The following CLTC variants were observed in gnomAD, a reference collection of about 807,000 sequenced individuals.
CLTC encodes clathrin heavy chain 1.
CLTC carries 16 observed loss-of-function variants against 195.8 expected under a neutral mutation model. That is an observed-to-expected ratio of 0.08 (90% CI 0.06 to 0.12). The LOEUF is 0.12. Ranked by LOEUF, CLTC falls within the 10% of genes least tolerant of loss-of-function variation. CLTC has a pLI of 1.00. For missense variants in CLTC, 796 were observed against 2,027.0 expected (o/e 0.39, Z 11.66); for synonymous variants, 667 against 689.4 (o/e 0.97, Z 0.51).
Position 59,693,784 on chromosome 17 carries a change from C to T in CLTC, c.4960C>T (p.Pro1654Ser), listed in dbSNP as rs780043915. The T allele has an allele frequency of 6.2e-7, 1 of 1,613,896 alleles. No individual in the cohort carries two copies. Among genetic ancestry groups the T allele is most frequent in the Non-Finnish European group, 8.5e-7 (1 of 1,179,888 alleles). Reference protein sequence around the residue: ...GPSVAVPPQAPFGYGYTAPPY... With the variant: ...GPSVAVPPQASFGYGYTAPPY... ...CAGTGTTGCCGTCCCTCCCCAGGCA[C>T]CTTTTGGTTATGGTTATACCGCACC... The change falls in exon 32 of 32, where the codon CCT becomes TCT. Residue 1654 changes from proline to serine, a missense_variant. By Grantham distance (74) the Pro-to-Ser change is moderately conservative. Around this residue, in one of 9 missense-constraint regions of CLTC, gnomAD observed 148 missense variants for 279.5 expected, o/e 0.53. Coordinates refer to ENST00000269122, the MANE Select transcript of CLTC (RefSeq NM_004859.4).
intron 1 of CLTC, among the ~76,000 whole-genome samples, chr17:59,624,157 C>A (rs2143434314): frequency 6.6e-6 from 1 of 152,054 alleles, no homozygotes; most frequent in South Asian, 2.1e-4. Context: ...TCACTCAATC[C>A]CCCCAGACAC....
chr17:59,656,932 A>G (rs970903987), intron 6 of CLTC, among the ~76,000 whole-genome samples: 2 of 152,092 alleles, frequency 1.3e-5, no homozygotes, highest in Admixed American at 6.5e-5. Flanking sequence ...CCAGCCTCCC[A>G]AAGTGCTGGG....
chr17:59,655,138 T>C (rs2032433402), intron 5 of CLTC, among the ~76,000 whole-genome samples: 1 of 152,236 alleles, frequency 6.6e-6, no homozygotes, highest in Admixed American at 6.5e-5. Context: ...GGACATGTCT[T>C]TTTCACTAAA....
At position 59,677,306 on chromosome 17, in the gene CLTC, AACTTTATTT is replaced by A. The variant is rs1282833547; in HGVS notation, c.2796+119_2796+127del. The A allele has an allele frequency of 5.7e-6, 4 of 706,008 alleles. No homozygotes were observed. In the East Asian group the frequency reaches 8.1e-5, roughly 14 times the overall value. 43.7% of individuals were successfully genotyped at this position (706,008 alleles called of 1,614,324 possible). ...TTGGGGACGGTGGGTGCTTTTTTAAAACTTTATTTGGAAATAATTGTGAATCTGAAAGTG... is the reference window on the plus strand; with the variant it reads ...TTGGGGACGGTGGGTGCTTTTTTAAAGGAAATAATTGTGAATCTGAAAGTG... On this transcript the variant is annotated intron_variant, in intron 17 of 31. Coordinates refer to ENST00000269122, the MANE Select transcript of CLTC (RefSeq NM_004859.4).
At chr17:59,637,280 T>G (rs561216675) in intron 1 of CLTC, among the ~76,000 whole-genome samples, 96 of 151,964 alleles carry the variant, frequency 6.3e-4, no homozygotes, top group African/African-American at 2.3e-3. Flanking sequence ...AGTCTTGCTC[T>G]GTCGCCCAGG....
intron 8 of CLTC, among the ~76,000 whole-genome samples, chr17:59,663,016 T>A (rs887199210): frequency 1.3e-5 from 2 of 152,240 alleles, no homozygotes; most frequent in Non-Finnish European, 2.9e-5. Context: ...ATTATCCTTT[T>A]CTGTGAACAG....
intron 1 of CLTC, among the ~76,000 whole-genome samples, chr17:59,621,785 G>C (rs2031388241): frequency 6.6e-6 from 1 of 152,128 alleles, no homozygotes; most frequent in Admixed American, 6.5e-5. Context: ...AAGTTTAGTT[G>C]CTGTGGTTGC....
intron 5 of CLTC, among the ~76,000 whole-genome samples, chr17:59,653,192 TTTTA>T (rs1282169621): frequency 2.1e-5 from 3 of 139,630 alleles, no homozygotes; most frequent in African/African-American, 7.7e-5. Flanking sequence ...TATTTATTTA[TTTTA>T]TTTATTTTTT....
At chr17:59,658,001 C>T (rs1482673428) in intron 6 of CLTC, among the ~76,000 whole-genome samples, 1 of 151,794 alleles carries the variant, frequency 6.6e-6, no homozygotes, top group Non-Finnish European at 1.5e-5. Flanking sequence ...GAGTTTGAGA[C>T]CAGCCTGACC....
At chr17:59,676,530 A>G (rs548022326) in intron 16 of CLTC, among the ~76,000 whole-genome samples, 13 of 152,346 alleles carry the variant, frequency 8.5e-5, no homozygotes, top group African/African-American at 2.9e-4. Context: ...TTTTATTCAG[A>G]TATAAGGAGG....
chr17:59,628,527 G>C (rs1418650891), intron 1 of CLTC, among the ~76,000 whole-genome samples: 1 of 152,174 alleles, frequency 6.6e-6, no homozygotes, highest in Non-Finnish European at 1.5e-5. Flanking sequence ...CCAAGATCTT[G>C]AAGTTACACC....
intron 4 of CLTC, among the ~76,000 whole-genome samples, chr17:59,650,411 A>T (rs749134848): frequency 6.6e-6 from 1 of 152,066 alleles, no homozygotes; most frequent in East Asian, 1.9e-4. Context: ...ATTGTAGGTA[A>T]TGTATTACCC....
rs182799304 is a variant in CLTC at position 59,626,732 on chromosome 17, G to A, written c.42+6559G>A. Among the ~76,000 whole-genome samples the A allele has an allele frequency of 7.2e-5, 11 of 152,292 alleles. 1 individual carries two copies. Among genetic ancestry groups the A allele is most frequent in the Admixed American group, 6.5e-4 (10 of 15,308 alleles). ...CAAAGTTTACAGCTCTGGGTGTCTT[G>A]TCTTTGCTTCTTGGTTAAGTGCCTA... On this transcript the variant is annotated intron_variant, in intron 1 of 31. Transcript: ENST00000269122.
intron 1 of CLTC, among the ~76,000 whole-genome samples, chr17:59,627,727 G>A (rs1415511925): frequency 6.6e-6 from 1 of 152,162 alleles, no homozygotes; most frequent in African/African-American, 2.4e-5. Flanking sequence ...AAATTGTGCA[G>A]GATGATTGGG....
chr17:59,622,128 G>A (rs1352016903), intron 1 of CLTC, among the ~76,000 whole-genome samples: 1 of 152,114 alleles, frequency 6.6e-6, no homozygotes, highest in African/African-American at 2.4e-5. Flanking sequence ...TTTGTAACTG[G>A]ATCAAAGTTT....
At chr17:59,637,144 A>G (rs1054470155) in intron 1 of CLTC, among the ~76,000 whole-genome samples, 1 of 152,028 alleles carries the variant, frequency 6.6e-6, no homozygotes, top group Non-Finnish European at 1.5e-5. Context: ...ACAATATCAG[A>G]AAACCAGTCC....
intron 28 of CLTC, among the ~76,000 whole-genome samples, chr17:59,684,672 G>C (rs181900599): frequency 1.3e-5 from 2 of 152,100 alleles, no homozygotes; most frequent in Non-Finnish European, 2.9e-5. Flanking sequence ...CGGTTGTGGT[G>C]GCACGTGCCT....
rs1218109495 is a variant in CLTC at position 59,681,753 on chromosome 17, G to A, written c.3356G>A (p.Gly1119Glu). 3 of 1,614,060 alleles carry A rather than the reference G, an allele frequency of 1.9e-6. No homozygotes were observed. The highest frequency in any genetic ancestry group is 1.7e-6 in the Non-Finnish European group (2 of 1,179,972). The change falls in exon 21 of 32, where the codon GGA (glycine) becomes GAA (glutamate). Residue 1119 changes from glycine to glutamate, a missense_variant. Physicochemically the swap from Gly to Glu is moderately conservative, Grantham distance 98. Transcript: ENST00000269122. This position sits in a 1 kb window ranked among gnomAD's most constrained non-coding sequence, Gnocchi z 5.0. ...SQLAKAQLQK[G>E]MVKEAIDSYI... ...CTTGCAAAAGCCCAGTTGCAGAAAG[G>A]AATGGTGAAAGAAGCCATTGATTCT...
Position 59,681,824 on chromosome 17 carries a change from G to A in CLTC, c.3427G>A (p.Ala1143Thr), listed in dbSNP as rs752403435. 16 of 1,612,622 alleles carry A rather than the reference G, an allele frequency of 9.9e-6. No individual in the cohort carries two copies. Among genetic ancestry groups the A allele is most frequent in the African/African-American group, 4.0e-5 (3 of 74,850 alleles). ...DPSSYMEVVQ[A>T]ANTSGNWEEL... ...TTCCTCCTACATGGAAGTTGTTCAGGCTGCCAATACTAGTGGTATGACTTC... is the reference window on the plus strand; with the variant it reads ...TTCCTCCTACATGGAAGTTGTTCAGACTGCCAATACTAGTGGTATGACTTC... The change falls in exon 21 of 32, where the codon GCT becomes ACT. Residue 1143 changes from alanine (A) to threonine (T), a missense_variant. This residue lies in a region of CLTC where 50 missense variants were observed against 77.2 expected (regional missense o/e 0.65). Coordinates refer to ENST00000269122, the MANE Select transcript of CLTC (RefSeq NM_004859.4). The surrounding 1 kb of genome is among the most constrained non-coding windows in gnomAD (Gnocchi z 5.0).
Sources: gnomAD v4.1 joint callset for allele counts (sites outside exome capture counted in the v4.1 genomes callset) on GRCh38, gnomAD v4.1.1 for gene constraint, gnomAD v4.1.1 regional missense constraint, Gnocchi (gnomAD v3.1) non-coding constraint, MANE v1.5 for transcripts, NCBI Gene and HGNC (gene_info 2026-07-23, HGNC 2026-07-21) for gene names.